Variants in AR observed in about 807,000 individuals in gnomAD.
The protein encoded by AR is dihydrotestosterone receptor.
A neutral mutation model predicts 53.9 loss-of-function variants in AR; 8 were observed. The ratio of observed to expected loss-of-function variants is 0.15; its 90% CI spans 0.09 to 0.27. The LOEUF (loss-of-function observed/expected upper bound fraction) is 0.27, where lower values mean the gene tolerates loss of function less well. Ranked by LOEUF, AR falls within the 10% of genes least tolerant of loss-of-function variation. AR has a pLI of 1.00. For synonymous variants in AR, 359 were observed against 316.4 expected (o/e 1.13, Z -1.43); for missense variants, 639 against 742.5 (o/e 0.86, Z 1.62).
At position 67,569,047 on chromosome X, in the gene AR, T is replaced by C. The variant is rs759267467; in HGVS notation, c.1616+22285T>C. ...GGTGGGAGGTTCTTCAATTGAAAAC[T>C]TAGAACTCAGTTTCTAGGGTAGTGA... On this transcript the variant is annotated intron_variant, in intron 1 of 7. Transcript: ENST00000374690. 1.2e-5 allele frequency: 14 copies of C among 1,202,178 alleles called. No individual in the cohort carries two copies. The Admixed American group carries it at 3.1e-4, about 26-fold the overall frequency.
At chrX:67,666,967 C>T (rs938624034) in intron 2 of AR, among the ~76,000 whole-genome samples, 16 of 111,022 alleles carry the variant, frequency 1.4e-4, no homozygotes, top group Non-Finnish European at 2.5e-4. Flanking sequence ...TTACTAGTCC[C>T]TGGTCAGATG....
At chrX:67,707,613 T>C (rs1171048468) in intron 3 of AR, among the ~76,000 whole-genome samples, 2 of 112,082 alleles carry the variant, frequency 1.8e-5, no homozygotes, top group African/African-American at 6.5e-5. Context: ...TCTGTGTCTT[T>C]TAATTGGAGC....
chrX:67,582,342 G>A (rs1922333199), intron 1 of AR, among the ~76,000 whole-genome samples: 1 of 111,864 alleles, frequency 8.9e-6, no homozygotes, highest in African/African-American at 3.2e-5. Context: ...TGTGCTAACA[G>A]TATCTCTGCA....
intron 1 of AR, among the ~76,000 whole-genome samples, chrX:67,547,304 G>A (rs972896151): frequency 8.9e-6 from 1 of 111,815 alleles, no homozygotes; most frequent in African/African-American, 3.3e-5. Context: ...TCTGGGTGCT[G>A]AGGTCTGCTG....
At position 67,725,977 on chromosome X, in the gene AR, C is replaced by T. The variant is rs1234068776; in HGVS notation, c.*2136C>T. 2 of 174,531 alleles carry T rather than the reference C, an allele frequency of 1.1e-5. No homozygotes were observed. The highest frequency in any genetic ancestry group is 1.6e-4 in the East Asian group (2 of 12,390). The allele number at this position is 174,531 out of a possible 1,213,427, so 14.4% of individuals were successfully genotyped here. A position where few individuals can be genotyped will look rare whatever the true frequency, so the allele number is the denominator to read the frequency against. On this transcript the variant is annotated 3_prime_UTR_variant, in exon 8 of 8. Coordinates refer to ENST00000374690, the MANE Select transcript of AR (RefSeq NM_000044.6). ...CTCCTTACTTAGCTCTTAATCTCAT[C>T]TGTTGAACTCAAGAAATCAAGGGCC... is the stretch of plus-strand genomic sequence containing the variant.
chrX:67,707,918 A>T (rs904821563), intron 3 of AR, among the ~76,000 whole-genome samples: 2 of 111,649 alleles, frequency 1.8e-5, no homozygotes, highest in African/African-American at 6.5e-5. Context: ...GTTTGGCTGG[A>T]TATGAAATTC....
At chrX:67,661,218 C>T (rs1926893252) in intron 2 of AR, among the ~76,000 whole-genome samples, 1 of 111,077 alleles carries the variant, frequency 9.0e-6, no homozygotes, top group African/African-American at 3.3e-5. Context: ...CTTCTCCTGC[C>T]TGATTGCCCT....
At position 67,723,312 on chromosome X, in the gene AR, C is replaced by CTCTGTGTGTGTGTGTGTG. The variant is rs1555997940; in HGVS notation, c.2607+329_2607+330insCTGTGTGTGTGTGTGTGT. The stretch of plus-strand genomic sequence containing the variant: ...GTCATGTTCATGTGAGTTTGTCTGT[C>CTCTGTGTGTGTGTGTGTG]TGTGTGTGTGTGTGTGTGTGTGTGT... On this transcript the variant is annotated intron_variant, in intron 7 of 7. Coordinates refer to ENST00000374690, the MANE Select transcript of AR (RefSeq NM_000044.6). Among the ~76,000 whole-genome samples the CTCTGTGTGTGTGTGTGTG allele has an allele frequency of 9.6e-3, 745 of 77,995 alleles. 43 individuals carry two copies. The highest frequency in any genetic ancestry group is 0.029 in the African/African-American group (540 of 18,382). The allele number at this position is 77,995 out of a possible 115,157, so 67.7% of individuals were successfully genotyped here.
intron 1 of AR, among the ~76,000 whole-genome samples, chrX:67,609,772 A>G (rs12009820): frequency 0.019 from 2,086 of 111,710 alleles, 41 homozygotes; most frequent in African/African-American, 0.065. Context: ...TTTTTCCACA[A>G]TATAATTCAG....
intron 2 of AR, among the ~76,000 whole-genome samples, chrX:67,680,189 T>C (rs2065407264): frequency 8.9e-6 from 1 of 112,170 alleles, no homozygotes; most frequent in Admixed American, 9.4e-5. Context: ...AATGGCATAT[T>C]CCATATACTG....
intron 3 of AR, among the ~76,000 whole-genome samples, chrX:67,699,430 C>T (rs1387074662): frequency 1.8e-5 from 2 of 112,023 alleles, no homozygotes; most frequent in Non-Finnish European, 3.8e-5. Context: ...TCATGTGGAC[C>T]CCAACGCCTT....
intron 1 of AR, among the ~76,000 whole-genome samples, chrX:67,603,925 G>C (rs996935674): frequency 9.0e-6 from 1 of 110,916 alleles, no homozygotes; most frequent in Non-Finnish European, 1.9e-5. Context: ...AGATAAAATT[G>C]GCATGGCATG....
Position 67,689,612 on chromosome X carries a change from C to T in AR, c.1885+3486C>T, listed in dbSNP as rs1303232539. The T allele has an allele frequency of 1.1e-5, 11 of 960,378 alleles. No homozygotes were observed. In the African/African-American group the frequency reaches 1.2e-4, roughly 11 times the overall value. The allele number at this position is 960,378 out of a possible 1,213,427, so 79.1% of individuals were successfully genotyped here. ...GGTGTTTGGAGTCTCAGAATGGCTT[C>T]CTTAAAGACTACCTTCAGACTCTCA... On this transcript the variant is annotated intron_variant, in intron 3 of 7. Transcript: ENST00000374690.
intron 2 of AR, among the ~76,000 whole-genome samples, chrX:67,649,322 C>A (rs1361853789): frequency 8.9e-6 from 1 of 112,100 alleles, no homozygotes; most frequent in Non-Finnish European, 1.9e-5. Flanking sequence ...GTGAATAGTG[C>A]TGCAATAAAC....
intron 3 of AR, chrX:67,695,044 A>C: frequency 1.2e-6 from 1 of 821,518 alleles, no homozygotes; most frequent in Non-Finnish European, 1.5e-6. Context: ...TCTTGATCAC[A>C]TATGATGGGG....
At chrX:67,656,891 C>G (rs899502887) in intron 2 of AR, among the ~76,000 whole-genome samples, 23 of 108,960 alleles carry the variant, frequency 2.1e-4, no homozygotes, top group Admixed American at 1.7e-3. Flanking sequence ...CACAGTCATT[C>G]TCTCAAAGAT....
chrX:67,569,807 G>A (rs1050797447), intron 1 of AR, among the ~76,000 whole-genome samples: 1 of 111,120 alleles, frequency 9.0e-6, no homozygotes, highest in Non-Finnish European at 1.9e-5. Flanking sequence ...CTGTTTTGGG[G>A]TGACTATTTC....
In AR at chrX:67,545,479, T is replaced by C. The variant is rs375624067; in HGVS notation, c.333T>C (p.Asp111=). 10 of 1,196,967 alleles carry C rather than the reference T, an allele frequency of 8.4e-6. No individual in the cohort carries two copies. The African/African-American group carries it at 1.4e-4, about 17-fold the overall frequency. ...GCCCCACAGGCTACCTGGTCCTGGATGAGGAACAGCAACCTTCACAGCCGC... is the reference window on the plus strand; with the variant it reads ...GCCCCACAGGCTACCTGGTCCTGGACGAGGAACAGCAACCTTCACAGCCGC... ...RRGPTGYLVL[D]EEQQPSQPQS... is the part of the protein sequence containing the mutation. The change falls in exon 1 of 8, where the codon GAT becomes GAC. Residue 111 remains aspartate (D), a synonymous_variant. Coordinates refer to ENST00000374690, the MANE Select transcript of AR (RefSeq NM_000044.6).
intron 1 of AR, among the ~76,000 whole-genome samples, chrX:67,627,130 C>A (rs1425436422): frequency 4.5e-5 from 5 of 110,538 alleles, no homozygotes; most frequent in Admixed American, 1.9e-4. Context: ...ATTTATAGTC[C>A]TTTGGGTATA....
Sources: gnomAD v4.1 joint callset for allele counts (sites outside exome capture counted in the v4.1 genomes callset) on GRCh38, gnomAD v4.1.1 for gene constraint, MANE v1.5 for transcripts, NCBI Gene and HGNC (gene_info 2026-07-23, HGNC 2026-07-21) for gene names.